NTNG1: variants seen among roughly 807,000 people sequenced by gnomAD.
The protein encoded by NTNG1 is netrin G1, also known as netrin-G1.
Under a neutral mutation model 54.0 loss-of-function variants are expected in NTNG1, and 16 were observed. The ratio of observed to expected loss-of-function variants is 0.30; its 90% CI spans 0.20 to 0.45. NTNG1 has a LOEUF of 0.45. Ranked by LOEUF, NTNG1 falls within the 20% of genes least tolerant of loss-of-function variation. The probability of loss-of-function intolerance (pLI) is 1.00; values close to 1 mark genes in which losing one functional copy is unlikely to be tolerated. For missense variants in NTNG1, 530 were observed against 678.7 expected, an observed-to-expected ratio of 0.78 and a Z score of 2.43; for synonymous variants, 255 against 263.1, an observed-to-expected ratio of 0.97 and a Z score of 0.30.
At chr1:107,244,788 G>T (rs1007646712) in intron 2 of NTNG1, among the ~76,000 whole-genome samples, 1 of 152,016 alleles carries the variant, frequency 6.6e-6, no homozygotes. Context: ...AGAGTGTGGC[G>T]CGAACAGCAG....
intron 5 of NTNG1, among the ~76,000 whole-genome samples, chr1:107,411,099 G>T (rs17464885): frequency 0.12 from 17,638 of 152,146 alleles, 1,315 homozygotes; most frequent in Middle Eastern, 0.22. Context: ...TGACTCTAGA[G>T]TATTTCCTTA....
At chr1:107,458,967 A>G (rs889322743) in intron 7 of NTNG1, among the ~76,000 whole-genome samples, 1 of 152,218 alleles carries the variant, frequency 6.6e-6, no homozygotes, top group Non-Finnish European at 1.5e-5. Flanking sequence ...GGATCAAAAC[A>G]GTTTAGAAAG....
intron 7 of NTNG1, among the ~76,000 whole-genome samples, chr1:107,445,985 T>C (rs1408064264): frequency 6.6e-6 from 1 of 152,150 alleles, no homozygotes. Context: ...AGGCTGGATT[T>C]GGCTTGCAGA....
chr1:107,220,970 A>T (rs573665007), intron 2 of NTNG1, among the ~76,000 whole-genome samples: 6 of 152,144 alleles, frequency 3.9e-5, no homozygotes, highest in African/African-American at 1.4e-4. Context: ...CTTATTATCA[A>T]TGGATATTAT....
intron 3 of NTNG1, among the ~76,000 whole-genome samples, chr1:107,335,473 T>A (rs1668523811): frequency 6.6e-6 from 1 of 152,130 alleles, no homozygotes; most frequent in East Asian, 1.9e-4. Context: ...CTGAAACTTT[T>A]ATGAACATAT....
At chr1:107,185,108 A>G (rs1048920017) in intron 2 of NTNG1, among the ~76,000 whole-genome samples, 1 of 152,188 alleles carries the variant, frequency 6.6e-6, no homozygotes, top group African/African-American at 2.4e-5. Flanking sequence ...TGTGTGGTGA[A>G]CTCAGAGTAG....
At chr1:107,143,537 A>T (rs1653893432) in intron 1 of NTNG1, 1 of 152,152 alleles carries the variant, frequency 6.6e-6, no homozygotes, top group African/African-American at 2.4e-5. Context: ...AGAAAATTGG[A>T]TTCAACTTTG....
chr1:107,173,143 C>T (rs1656377937), intron 2 of NTNG1, among the ~76,000 whole-genome samples: 1 of 152,090 alleles, frequency 6.6e-6, no homozygotes, highest in Non-Finnish European at 1.5e-5. Flanking sequence ...GTCAAAGAAT[C>T]ATGTAGTAGT....
At chr1:107,440,957 T>A (rs1372488178) in intron 7 of NTNG1, among the ~76,000 whole-genome samples, 1 of 151,922 alleles carries the variant, frequency 6.6e-6, no homozygotes, top group Non-Finnish European at 1.5e-5. Context: ...AAAACAGAAA[T>A]AATAAGATTT....
rs532191599 is a variant in NTNG1, at chr1:107,378,065, T to G, written c.888-17089T>G. ...AAAGTACATTTTTACCAAATAAATG[T>G]CCCTATTTAATGTAAGTGCTTATAT... On this transcript the variant is annotated intron_variant, in intron 3 of 7. Coordinates refer to ENST00000370068, the MANE Select transcript of NTNG1 (RefSeq NM_001113226.3). Among the ~76,000 whole-genome samples the G allele has an allele frequency of 5.3e-5, 8 of 152,326 alleles. No individual in the cohort carries two copies. The South Asian group carries it at 1.7e-3, about 32-fold the overall frequency.
chr1:107,285,710 G>A (rs937111390), intron 2 of NTNG1, among the ~76,000 whole-genome samples: 3 of 152,102 alleles, frequency 2.0e-5, no homozygotes, highest in Non-Finnish European at 4.4e-5. Context: ...AAAACAATGA[G>A]AGGTTTATGA....
At chr1:107,326,019 CTT>C (rs1667933267) in intron 3 of NTNG1, among the ~76,000 whole-genome samples, 1 of 152,076 alleles carries the variant, frequency 6.6e-6, no homozygotes, top group Non-Finnish European at 1.5e-5. Flanking sequence ...AGTGTTGAAA[CTT>C]TCTGGTCTGT....
intron 2 of NTNG1, among the ~76,000 whole-genome samples, chr1:107,280,930 C>T (rs983838354): frequency 1.3e-5 from 2 of 151,522 alleles, no homozygotes; most frequent in Non-Finnish European, 2.9e-5. Context: ...GAAGGCCAGA[C>T]TGCCAATCAC....
At chr1:107,277,137 A>G (rs1664532686) in intron 2 of NTNG1, among the ~76,000 whole-genome samples, 1 of 152,228 alleles carries the variant, frequency 6.6e-6, no homozygotes, top group Admixed American at 6.5e-5. Context: ...GAATCTTCCA[A>G]AGATCGCCCA....
intron 2 of NTNG1, among the ~76,000 whole-genome samples, chr1:107,273,468 C>T (rs181796979): frequency 1.3e-5 from 2 of 152,170 alleles, no homozygotes; most frequent in East Asian, 3.9e-4. Flanking sequence ...TTGTTGTTGT[C>T]GTTGTTATTT....
At chr1:107,348,130 T>C (rs1669369851) in intron 3 of NTNG1, among the ~76,000 whole-genome samples, 1 of 151,706 alleles carries the variant, frequency 6.6e-6, no homozygotes, top group Non-Finnish European at 1.5e-5. Context: ...TTATTATTAT[T>C]ATTATTATTA....
chr1:107,484,175 C>T lies in NTNG1; in HGVS notation c.*3335C>T, dbSNP rs190237616. Among the ~76,000 whole-genome samples, 11 of 152,264 alleles carry T rather than the reference C, an allele frequency of 7.2e-5. No individual in the cohort carries two copies. The East Asian group carries it at 2.1e-3, about 30-fold the overall frequency. On this transcript the variant is annotated 3_prime_UTR_variant, in exon 8 of 8. Transcript: ENST00000370068. ...TGCATCTGTGTGGATGGATTAGGCC[C>T]TGGGGCCTGGAGTGTTCACTGTGGA...
intron 7 of NTNG1, among the ~76,000 whole-genome samples, chr1:107,446,828 T>C (rs547311019): frequency 1.8e-4 from 28 of 152,220 alleles, no homozygotes; most frequent in Admixed American, 1.2e-3. Flanking sequence ...ATAAATACCA[T>C]AAATACAGAG....
chr1:107,446,667 T>C (rs694898), intron 7 of NTNG1, among the ~76,000 whole-genome samples: 63,117 of 151,944 alleles, frequency 0.42, 13,262 homozygotes, highest in East Asian at 0.49. Flanking sequence ...ATTGAGCCCA[T>C]TGAACCCAAG....
Sources: gnomAD v4.1 joint callset for allele counts (sites outside exome capture counted in the v4.1 genomes callset) on GRCh38, gnomAD v4.1.1 for gene constraint, MANE v1.5 for transcripts, NCBI Gene and HGNC (gene_info 2026-07-23, HGNC 2026-07-21) for gene names.